Variants in MIDN observed in about 807,000 individuals in gnomAD.
MIDN encodes the protein midbrain nucleolar protein.
In MIDN, 26 loss-of-function variants were observed where a neutral mutation model predicts 46.1. The ratio of observed to expected loss-of-function variants is 0.56; its 90% CI spans 0.41 to 0.78. MIDN has a LOEUF of 0.78. Ranked by LOEUF, MIDN falls within the 30% of genes least tolerant of loss-of-function variation. The pLI is 0.00. For synonymous variants in MIDN, 432 were observed against 343.3 expected (o/e 1.26, Z -2.86); for missense variants, 850 against 771.8 (o/e 1.10, Z -1.20).
rs993584721 is a variant in MIDN at position 1,253,971 on chromosome 19, G to A, written c.402G>A (p.Gly134=). ...LTETQPPAAP[G]PGRAGGGGFR... ...CCCCACAGCCCCCAGCGGCGCCCGGGCCGGGCCGGGCTGGCGGAGGAGGCT... is the reference window on the plus strand; with the variant it reads ...CCCCACAGCCCCCAGCGGCGCCCGGACCGGGCCGGGCTGGCGGAGGAGGCT... Residue 134 remains glycine, a synonymous_variant, in exon 5 of 9, where the codon GGG becomes GGA. Transcript: ENST00000682408. 119 of 1,390,910 alleles carry A rather than the reference G, an allele frequency of 8.6e-5. No individual in the cohort carries two copies. The highest frequency in any genetic ancestry group is 1.1e-4 in the Non-Finnish European group (115 of 1,080,256). 86.2% of individuals were successfully genotyped at this position (1,390,910 alleles called of 1,614,324 possible). A position where few individuals can be genotyped will look rare whatever the true frequency, so the allele number is the denominator to read the frequency against.
intron 2 of MIDN, among the ~76,000 whole-genome samples, chr19:1,250,959 C>T (rs562722248): frequency 3.3e-5 from 5 of 152,226 alleles, no homozygotes; most frequent in African/African-American, 9.6e-5. Context: ...CGCAGCCTCC[C>T]CTCCCCCCTG....
Position 1,254,094 on chromosome 19 carries a change from G to A in MIDN, c.513+12G>A, listed in dbSNP as rs766785180. 9 of 1,530,206 alleles carry A rather than the reference G, an allele frequency of 5.9e-6. No individual in the cohort carries two copies. In the South Asian group the frequency reaches 9.4e-5, roughly 16 times the overall value. 94.8% of individuals were successfully genotyped at this position (1,530,206 alleles called of 1,614,324 possible). ...GCGAGAGGCCCCAGGTCACAGCGCG[G>A]GGGGACTGGGCCGGGCTGGGCTGGG... On this transcript the variant is annotated intron_variant, in intron 5 of 8. Transcript: ENST00000682408.
At position 1,255,178 on chromosome 19, in the gene MIDN, C is replaced by T. The variant is rs943682252; in HGVS notation, c.985+117C>T. 3 of 1,286,146 alleles carry T rather than the reference C, an allele frequency of 2.3e-6. No homozygotes were observed. In the South Asian group the frequency reaches 4.2e-5, roughly 18 times the overall value. The allele number at this position is 1,286,146 out of a possible 1,614,324, so 79.7% of individuals were successfully genotyped here. ...CTGGGCATACACAGGCTGTGTCCGTCTGCTCACTTCACATGTCCCCCAGGA... is the reference window on the plus strand; with the variant it reads ...CTGGGCATACACAGGCTGTGTCCGTTTGCTCACTTCACATGTCCCCCAGGA... On this transcript the variant is annotated intron_variant, in intron 7 of 8. Coordinates refer to ENST00000682408, the MANE Select transcript of MIDN (RefSeq NM_001388306.1).
rs2081168211 is a variant in MIDN, at chr19:1,254,155, C to G, written c.514-12C>G. Reference sequence around the variant, plus strand: ...GCTGGGGCTCCCAGCTGACGGACCGCTCTCCTTGCAGGTCAGTGACTTCCT... The same window carrying G: ...GCTGGGGCTCCCAGCTGACGGACCGGTCTCCTTGCAGGTCAGTGACTTCCT... On this transcript the variant is annotated splice_polypyrimidine_tract_variant and intron_variant, in intron 5 of 8. Coordinates refer to ENST00000682408, the MANE Select transcript of MIDN (RefSeq NM_001388306.1). The G allele has an allele frequency of 1.3e-6, 2 of 1,589,538 alleles. No individual in the cohort carries two copies. Among genetic ancestry groups the G allele is most frequent in the African/African-American group, 2.7e-5 (2 of 74,364 alleles).
In MIDN at chr19:1,251,898, G is replaced by A. The variant is rs1287032027; in HGVS notation, c.381G>A (p.Thr127=). Residue 127 remains threonine (T), a synonymous_variant, in exon 4 of 9, where the codon ACG becomes ACA. Coordinates refer to ENST00000682408, the MANE Select transcript of MIDN (RefSeq NM_001388306.1). The part of the protein sequence containing the change: ...VMQALESLTE[T]QPPAAPGPGR... Reference sequence around the variant, plus strand: ...AAGCTCTCGAGAGTCTCACGGAGACGCAGGTAAGACCTCGCCAGCCCCTTC... The same window carrying A: ...AAGCTCTCGAGAGTCTCACGGAGACACAGGTAAGACCTCGCCAGCCCCTTC... 2 of 1,612,884 alleles carry A rather than the reference G, an allele frequency of 1.2e-6. No homozygotes were observed. The highest frequency in any genetic ancestry group is 8.5e-7 in the Non-Finnish European group (1 of 1,179,610).
At chr19:1,253,527 CG>C (rs2081159878) in intron 4 of MIDN, among the ~76,000 whole-genome samples, 1 of 151,382 alleles carries the variant, frequency 6.6e-6, no homozygotes, top group Non-Finnish European at 1.5e-5. Context: ...CCACCCTGAA[CG>C]GGGGCAGATT....
rs767695604 is a variant in MIDN at position 1,254,906 on chromosome 19, T to C, written c.830T>C (p.Met277Thr). ...HAASTTCPEQ[M>T]DCSPTASSSA... Reference sequence around the variant, plus strand: ...TGTGCCCCTTCCTCCCATCAGCAGATGGACTGCTCCCCCACGGCCAGCAGC... The same window carrying C: ...TGTGCCCCTTCCTCCCATCAGCAGACGGACTGCTCCCCCACGGCCAGCAGC... Residue 277 changes from methionine (M) to threonine (T), a missense_variant, in exon 7 of 9, where the codon ATG (methionine) becomes ACG (threonine). Physicochemically the swap from Met to Thr is moderately conservative, Grantham distance 81 (BLOSUM62 -1). Coordinates refer to ENST00000682408, the MANE Select transcript of MIDN (RefSeq NM_001388306.1). 1.2e-6 allele frequency: 2 copies of C among 1,603,320 alleles called. No homozygotes were observed. The highest frequency in any genetic ancestry group is 1.1e-5 in the South Asian group (1 of 90,790).
chr19:1,256,983 C>A lies in MIDN; in HGVS notation c.1259-12C>A. 6.2e-7 allele frequency: 1 copy of A among 1,606,866 alleles called. No individual in the cohort carries two copies. The highest frequency in any genetic ancestry group is 8.5e-7 in the Non-Finnish European group (1 of 1,179,756). On this transcript the variant is annotated splice_polypyrimidine_tract_variant and intron_variant, in intron 8 of 8. Transcript: ENST00000682408. ...AGGCTTTGGGAGTCACAGGCCACTA[C>A]CTCCTTTGCAGGGGACCGGCTTCGG... is the stretch of plus-strand genomic sequence containing the variant.
chr19:1,255,188 C>T, intron 7 of MIDN, 127 bp downstream of exon 7: 1 of 1,236,426 alleles, frequency 8.1e-7, no homozygotes, highest in Non-Finnish European at 1.1e-6. Flanking sequence ...CTGCTCACTT[C>T]ACATGTCCCC....
chr19:1,257,022 G>A lies in MIDN; in HGVS notation c.1286G>A (p.Arg429His), dbSNP rs1488829360. Residue 429 changes from arginine (R) to histidine (H), a missense_variant, in exon 9 of 9, where the codon CGC becomes CAC. By Grantham distance (29) the Arg-to-His change is conservative. Coordinates refer to ENST00000682408, the MANE Select transcript of MIDN (RefSeq NM_001388306.1). Reference sequence around the variant, plus strand: ...GACCGGCTTCGGCAGACAGAAAACCGCGCCACGCGCTGCAAGGTGGAACGG... The same window carrying A: ...GACCGGCTTCGGCAGACAGAAAACCACGCCACGCGCTGCAAGGTGGAACGG... ...PGDRLRQTEN[R>H]ATRCKVERLQ... 9 of 1,611,458 alleles carry A rather than the reference G, an allele frequency of 5.6e-6. No individual in the cohort carries two copies. Among genetic ancestry groups the A allele is most frequent in the South Asian group, 1.1e-5 (1 of 91,082 alleles).
chr19:1,251,347 G>T (rs558591325), intron 2 of MIDN: 17 of 554,556 alleles, frequency 3.1e-5, no homozygotes, highest in South Asian at 1.8e-4. Context: ...GGTTCCACTG[G>T]AGGGAAGGGG....
chr19:1,250,163 A>T lies in MIDN; in HGVS notation c.-134A>T. 4.7e-6 allele frequency: 1 copy of T among 212,558 alleles called. No individual in the cohort carries two copies. Among genetic ancestry groups the T allele is most frequent in the Non-Finnish European group, 8.1e-6 (1 of 123,580 alleles). The allele number at this position is 212,558 out of a possible 1,614,324, so 13.2% of individuals were successfully genotyped here. ...GCATTCCGCGGCCGGGACTTTCTCGAGGAGGACGCGCGCTGCTCCGCGCCC... is the reference window on the plus strand; with the variant it reads ...GCATTCCGCGGCCGGGACTTTCTCGTGGAGGACGCGCGCTGCTCCGCGCCC... On this transcript the variant is annotated 5_prime_UTR_variant, in exon 2 of 9. Coordinates refer to ENST00000682408, the MANE Select transcript of MIDN (RefSeq NM_001388306.1).
In MIDN at chr19:1,257,018, A is replaced by G. The variant is rs1220987146; in HGVS notation, c.1282A>G (p.Asn428Asp). The G allele has an allele frequency of 1.9e-6, 3 of 1,611,250 alleles. No individual in the cohort carries two copies. Among genetic ancestry groups the G allele is most frequent in the Non-Finnish European group, 2.5e-6 (3 of 1,179,886 alleles). Residue 428 changes from asparagine (N) to aspartate (D), a missense_variant, in exon 9 of 9, where the codon AAC becomes GAC. Physicochemically the swap from Asn to Asp is conservative, Grantham distance 23. Transcript: ENST00000682408. The stretch of plus-strand genomic sequence containing the variant: ...AGGGGACCGGCTTCGGCAGACAGAA[A>G]ACCGCGCCACGCGCTGCAAGGTGGA... ...PPGDRLRQTENRATRCKVERL... is the reference protein window; with the variant it reads ...PPGDRLRQTEDRATRCKVERL...
chr19:1,250,435 G>A lies in MIDN; in HGVS notation c.139G>A (p.Val47Met). The A allele has an allele frequency of 7.2e-7, 1 of 1,380,152 alleles. No homozygotes were observed. The highest frequency in any genetic ancestry group is 1.5e-5 in the South Asian group (1 of 66,802). The allele number at this position is 1,380,152 out of a possible 1,614,324, so 85.5% of individuals were successfully genotyped here. Residue 47 changes from valine to methionine, a missense_variant, in exon 2 of 9, where the codon GTG becomes ATG. Physicochemically the swap from Val to Met is conservative, Grantham distance 21. Coordinates refer to ENST00000682408, the MANE Select transcript of MIDN (RefSeq NM_001388306.1). ...STTGTRYDLAVPPDETVEGLR... is the reference protein window; with the variant it reads ...STTGTRYDLAMPPDETVEGLR... ...CACGGGCACCCGCTACGACCTGGCC[G>A]TGCCGCCCGACGAGACGGTGGAGGG... is the stretch of plus-strand genomic sequence containing the variant.
chr19:1,257,230 A>T lies in MIDN; in HGVS notation c.1494A>T (p.Pro498=), dbSNP rs1297336519. 6.2e-7 allele frequency: 1 copy of T among 1,612,162 alleles called. No individual in the cohort carries two copies. Among genetic ancestry groups the T allele is most frequent in the Admixed American group, 1.7e-5 (1 of 60,008 alleles). The change falls in exon 9 of 9, where the codon CCA becomes CCT. Residue 498 remains proline, a synonymous_variant. Coordinates refer to ENST00000682408, the MANE Select transcript of MIDN (RefSeq NM_001388306.1). ...ACTTCGAGGACTCCGTGTGGAAGCC[A>T]GAAGTCAACCCTGACATCAAGTCAG... ...GLDFEDSVWK[P]EVNPDIKSEF...
At chr19:1,254,652 T>C (rs1475518461) in intron 6 of MIDN, among the ~76,000 whole-genome samples, 174 bp downstream of exon 6, 2 of 151,926 alleles carry the variant, frequency 1.3e-5, no homozygotes, top group East Asian at 3.9e-4. Context: ...GTGGGGTATT[T>C]CTAGATCCTG....
At chr19:1,249,505 G>A (rs1030107560) in intron 1 of MIDN, among the ~76,000 whole-genome samples, 1 of 149,620 alleles carries the variant, frequency 6.7e-6, no homozygotes, top group African/African-American at 2.4e-5. Context: ...GGGATCGCGA[G>A]GGGTACCAGA....
At chr19:1,251,437 G>C in intron 2 of MIDN, 125 bp from the exon 3 acceptor site, 1 of 808,340 alleles carries the variant, frequency 1.2e-6, no homozygotes, top group Non-Finnish European at 1.9e-6. Context: ...CTGGAAGCCG[G>C]GAAGGGGTGG....
At position 1,250,503 on chromosome 19, in the gene MIDN, G is replaced by A. The variant is rs753133293; in HGVS notation, c.207G>A (p.Glu69=). Residue 69 remains glutamate, a synonymous_variant, in exon 2 of 9, where the codon GAG becomes GAA. Transcript: ENST00000682408. ...CCCAGCGCCTCAAAGTGCCCAAGGA[G>A]CGCCTGGCTCTTCTCCACAAAGACA... ...RLSQRLKVPK[E]RLALLHKDTR... is the part of the protein sequence containing the mutation. The A allele has an allele frequency of 8.2e-6, 11 of 1,336,050 alleles. No individual in the cohort carries two copies. The highest frequency in any genetic ancestry group is 1.1e-5 in the Non-Finnish European group (11 of 1,019,100). The allele number at this position is 1,336,050 out of a possible 1,614,324, so 82.8% of individuals were successfully genotyped here.
Sources: allele counts gnomAD v4.1 joint callset (sites outside exome capture counted in the v4.1 genomes callset), GRCh38; gene constraint gnomAD v4.1.1; transcripts MANE v1.5; gene names NCBI Gene and HGNC (gene_info 2026-07-23, HGNC 2026-07-21).